The following UGT1A10 variants were observed in gnomAD, a reference collection of about 807,000 sequenced individuals.
The protein encoded by UGT1A10 is UDP glucuronosyltransferase family 1 member A10, also known as UDP-glucuronosyltransferase 1A10.
A neutral mutation model predicts 45.8 loss-of-function variants in UGT1A10; 49 were observed. The ratio of observed to expected loss-of-function variants is 1.07; its 90% confidence interval spans 0.85 to 1.36. The LOEUF (loss-of-function observed/expected upper bound fraction) is 1.36. UGT1A10 is among the 40% of genes most tolerant of loss of function. The pLI is 0.00. For synonymous variants in UGT1A10, 284 were observed against 249.7 expected (o/e 1.14, Z -1.29); for missense variants, 745 against 668.6 (o/e 1.11, Z -1.26).
chr2:233,691,343 G>A lies in UGT1A10; in HGVS notation c.855+53966G>A, dbSNP rs533406499. 17 of 985,508 alleles carry A rather than the reference G, an allele frequency of 1.7e-5. No individual in the cohort carries two copies. In the East Asian group the frequency reaches 7.9e-4, roughly 46 times the overall value. The allele number at this position is 985,508 out of a possible 1,614,324, so 61.0% of individuals were successfully genotyped here. The stretch of plus-strand genomic sequence containing the variant: ...CCAGCTTGGACTGAGCTGAGTCTTC[G>A]CATGCCTTGAACAATGAATTTGCAT... On this transcript the variant is annotated intron_variant, in intron 1 of 4. Coordinates refer to ENST00000344644, the MANE Select transcript of UGT1A10 (RefSeq NM_019075.4).
Position 233,772,737 on chromosome 2 carries a change from G to A in UGT1A10, c.*178G>A. ...ATAAAAATAATAGACTCGCTAGTCA[G>A]TAAAGATATTTGAATATGTATCGTG... On this transcript the variant is annotated 3_prime_UTR_variant, in exon 5 of 5. Transcript: ENST00000344644. The A allele has an allele frequency of 7.0e-7, 1 of 1,436,900 alleles. No individual in the cohort carries two copies. Among genetic ancestry groups the A allele is most frequent in the Non-Finnish European group, 9.1e-7 (1 of 1,096,214 alleles). 89.0% of individuals were successfully genotyped at this position (1,436,900 alleles called of 1,614,324 possible). A position where few individuals can be genotyped will look rare whatever the true frequency, so the allele number is the denominator to read the frequency against.
chr2:233,754,116 G>C (rs1358690649), intron 1 of UGT1A10, among the ~76,000 whole-genome samples: 1 of 152,172 alleles, frequency 6.6e-6, no homozygotes, highest in Non-Finnish European at 1.5e-5. Flanking sequence ...TACATCACGA[G>C]CATTTATGTG....
At chr2:233,752,573 T>C (rs1337077118) in intron 1 of UGT1A10, 4 of 152,170 alleles carry the variant, frequency 2.6e-5, no homozygotes, top group Admixed American at 2.6e-4. Flanking sequence ...TGGGTCAACA[T>C]CATTCCCATC....
intron 1 of UGT1A10, among the ~76,000 whole-genome samples, chr2:233,735,627 A>T (rs1296033984): frequency 1.3e-5 from 2 of 152,164 alleles, no homozygotes; most frequent in Non-Finnish European, 2.9e-5. Flanking sequence ...ACAATTTGGC[A>T]TGTTTTTGCA....
At position 233,725,077 on chromosome 2, in the gene UGT1A10, C is replaced by G. The variant is rs1449718817; in HGVS notation, c.856-41957C>G. On this transcript the variant is annotated intron_variant, in intron 1 of 4. Coordinates refer to ENST00000344644, the MANE Select transcript of UGT1A10 (RefSeq NM_019075.4). ...CGGCGCGCGCCTGCAATCGCAGGCACTCGGCAGGCTGAGGCAGGAGAATCA... is the reference window on the plus strand; with the variant it reads ...CGGCGCGCGCCTGCAATCGCAGGCAGTCGGCAGGCTGAGGCAGGAGAATCA... Among the ~76,000 whole-genome samples, 16 of 140,498 alleles carry G rather than the reference C, an allele frequency of 1.1e-4. 1 individual carries two copies. The highest frequency in any genetic ancestry group is 4.2e-4 in the African/African-American group (16 of 38,284). The allele number at this position is 140,498 out of a possible 152,430, so 92.2% of individuals were successfully genotyped here.
intron 1 of UGT1A10, among the ~76,000 whole-genome samples, chr2:233,643,805 G>A (rs1238317633): frequency 6.6e-6 from 1 of 152,154 alleles, no homozygotes; most frequent in Admixed American, 6.5e-5. Context: ...TAAGGCAGCA[G>A]GTTCCCTTCT....
chr2:233,693,469 T>C (rs757888453), intron 1 of UGT1A10: 2 of 1,614,144 alleles, frequency 1.2e-6, no homozygotes, highest in East Asian at 2.2e-5. Flanking sequence ...CCTTACCCTG[T>C]GGGGTGATCC....
At chr2:233,764,255 A>G (rs1306141437) in intron 1 of UGT1A10, among the ~76,000 whole-genome samples, 1 of 152,114 alleles carries the variant, frequency 6.6e-6, no homozygotes, top group Non-Finnish European at 1.5e-5. Context: ...TTCAGTTAAT[A>G]TGTTGCTTCA....
Position 233,672,892 on chromosome 2 carries a change from C to A in UGT1A10, c.855+35515C>A. ...TTTGACATTTTCATTTGTTTCATTT[C>A]AAATTTCTTTCCAGTTTAACAAATT... On this transcript the variant is annotated intron_variant, in intron 1 of 4. Transcript: ENST00000344644. 3 of 1,513,494 alleles carry A rather than the reference C, an allele frequency of 2.0e-6. No homozygotes were observed. The South Asian group carries it at 4.1e-5, about 21-fold the overall frequency. The allele number at this position is 1,513,494 out of a possible 1,614,324, so 93.8% of individuals were successfully genotyped here. A position where few individuals can be genotyped will look rare whatever the true frequency, so the allele number is the denominator to read the frequency against.
intron 1 of UGT1A10, among the ~76,000 whole-genome samples, chr2:233,656,293 C>T (rs2073851352): frequency 6.6e-6 from 1 of 152,220 alleles, no homozygotes; most frequent in South Asian, 2.1e-4. Flanking sequence ...CTCAAATTCA[C>T]AGTCTCCGTA....
At chr2:233,701,706 A>G (rs1450486741) in intron 1 of UGT1A10, among the ~76,000 whole-genome samples, 2 of 152,228 alleles carry the variant, frequency 1.3e-5, no homozygotes, top group African/African-American at 4.8e-5. Flanking sequence ...AAAACCGCTC[A>G]ACTACATGGA....
chr2:233,760,957 G>A (rs775797489), intron 1 of UGT1A10: 40 of 1,614,066 alleles, frequency 2.5e-5, no homozygotes, highest in Admixed American at 3.3e-5. Flanking sequence ...CTTTCTGTGC[G>A]ACGTGGTTTA....
chr2:233,736,738 C>T (rs1478066548), intron 1 of UGT1A10, among the ~76,000 whole-genome samples: 1 of 152,114 alleles, frequency 6.6e-6, no homozygotes, highest in Non-Finnish European at 1.5e-5. Flanking sequence ...TATGCTGTTC[C>T]TTTCTGTTTG....
intron 1 of UGT1A10, among the ~76,000 whole-genome samples, chr2:233,687,585 A>G (rs1319923508): frequency 2.2e-5 from 1 of 45,500 alleles, no homozygotes; most frequent in Non-Finnish European, 4.5e-5. Context: ...ATTCTTTGTA[A>G]AAAAAAAAAA....
chr2:233,657,182 C>T (rs940444565), intron 1 of UGT1A10, among the ~76,000 whole-genome samples: 15 of 152,190 alleles, frequency 9.9e-5, no homozygotes, highest in African/African-American at 3.4e-4. Context: ...TCAAGGTCCC[C>T]CATCATCTCA....
chr2:233,733,661 T>A (rs1200789776), intron 1 of UGT1A10, among the ~76,000 whole-genome samples: 1 of 152,240 alleles, frequency 6.6e-6, no homozygotes, highest in Non-Finnish European at 1.5e-5. Context: ...GAAGCCGACT[T>A]GATCGATGTG....
chr2:233,656,737 G>A (rs575836211), intron 1 of UGT1A10, among the ~76,000 whole-genome samples: 8 of 152,218 alleles, frequency 5.3e-5, no homozygotes, highest in East Asian at 3.9e-4. Flanking sequence ...CTGTCCCGTC[G>A]TGGCTGTGAC....
intron 1 of UGT1A10, among the ~76,000 whole-genome samples, chr2:233,665,320 G>C (rs1311300944): frequency 2.0e-5 from 3 of 152,096 alleles, no homozygotes; most frequent in African/African-American, 7.2e-5. Context: ...TTGCACATTA[G>C]TATGTAAACA....
At chr2:233,761,418 C>T (rs1559408324) in intron 1 of UGT1A10, among the ~76,000 whole-genome samples, 1 of 152,184 alleles carries the variant, frequency 6.6e-6, no homozygotes, top group Admixed American at 6.5e-5. Context: ...AAACAACAAG[C>T]TGTTAAATGC....
Sources: allele counts gnomAD v4.1 joint callset (sites outside exome capture counted in the v4.1 genomes callset), GRCh38; gene constraint gnomAD v4.1.1; transcripts MANE v1.5; gene names NCBI Gene and HGNC (gene_info 2026-07-23, HGNC 2026-07-21).